The following NOL4 variants were observed in gnomAD, a reference collection of about 807,000 sequenced individuals.
The protein encoded by NOL4 is cancer/testis antigen 125.
A neutral mutation model predicts 75.9 loss-of-function variants in NOL4; 17 were observed. That is an observed-to-expected ratio of 0.22 (90% CI 0.15 to 0.34). The LOEUF (loss-of-function observed/expected upper bound fraction) is 0.34, where lower values mean the gene tolerates loss of function less well. Among genes scored for constraint, NOL4 ranks in the 10% least tolerant of loss-of-function variants. The probability of loss-of-function intolerance (pLI) is 1.00; values close to 1 mark genes in which losing one functional copy is unlikely to be tolerated. For synonymous variants in NOL4, 292 were observed against 289.9 expected, an observed-to-expected ratio of 1.01 and a Z score of -0.07; for missense variants, 614 against 793.5, an observed-to-expected ratio of 0.77 and a Z score of 2.72.
At chr18:34,218,444 C>T (rs772749111) in intron 1 of NOL4, among the ~76,000 whole-genome samples, 7 of 152,174 alleles carry the variant, frequency 4.6e-5, no homozygotes, top group East Asian at 1.9e-4. Context: ...TCTTCATACA[C>T]GAACAGGGTC....
At chr18:33,917,229 T>C (rs1040819799) in intron 9 of NOL4, among the ~76,000 whole-genome samples, 6 of 132,252 alleles carry the variant, frequency 4.5e-5, no homozygotes, top group Admixed American at 4.5e-4. Flanking sequence ...TGTAGATCTG[T>C]GAACTGTGGG....
chr18:34,167,044 C>CAAAAAAAAAA (rs1174730527), intron 1 of NOL4, among the ~76,000 whole-genome samples: 1 of 5,668 alleles, frequency 1.8e-4, no homozygotes, highest in African/African-American at 6.9e-4. Context: ...GACTCCGTCT[C>CAAAAAAAAAA]AAAAAAAAAA....
chr18:34,197,711 G>A (rs1032783052), intron 1 of NOL4, among the ~76,000 whole-genome samples: 2 of 150,668 alleles, frequency 1.3e-5, no homozygotes, highest in South Asian at 2.1e-4. Flanking sequence ...AGAGGGTGGT[G>A]GAAGGTGGTT....
At chr18:34,215,195 A>T (rs1182052502) in intron 1 of NOL4, among the ~76,000 whole-genome samples, 1 of 152,140 alleles carries the variant, frequency 6.6e-6, no homozygotes. Context: ...ACATAGTTGG[A>T]TGGATGGACA....
chr18:34,104,464 T>G (rs544953687), intron 3 of NOL4, among the ~76,000 whole-genome samples: 2 of 152,164 alleles, frequency 1.3e-5, no homozygotes, highest in Non-Finnish European at 2.9e-5. Context: ...TTTGCTTTAC[T>G]TTCTATATGT....
At chr18:34,025,828 C>A (rs1010344425) in intron 5 of NOL4, among the ~76,000 whole-genome samples, 1 of 152,006 alleles carries the variant, frequency 6.6e-6, no homozygotes, top group South Asian at 2.1e-4. Flanking sequence ...TCATACTAGA[C>A]CTGTTAAGTA....
rs571131878 is a variant in NOL4, at chr18:34,059,108, G to C, written c.772+34357C>G. ...TAAAAATCACACATATATATAGAGA[G>C]ATAGATAGATATACATATATATATA... On this transcript the variant is annotated intron_variant, in intron 5 of 10. Transcript: ENST00000261592. Among the ~76,000 whole-genome samples the C allele has an allele frequency of 3.9e-3, 460 of 117,790 alleles. 6 individuals carry two copies. The highest frequency in any genetic ancestry group is 0.013 in the African/African-American group (444 of 33,198). 77.3% of individuals were successfully genotyped at this position (117,790 alleles called of 152,430 possible).
intron 5 of NOL4, among the ~76,000 whole-genome samples, chr18:34,063,370 T>C (rs1301368682): frequency 1.3e-5 from 2 of 152,084 alleles, no homozygotes; most frequent in Non-Finnish European, 2.9e-5. Flanking sequence ...TTTTCAGTCC[T>C]TATCATCCCA....
At chr18:34,183,551 C>A (rs1278172853) in intron 1 of NOL4, 3 of 151,944 alleles carry the variant, frequency 2.0e-5, no homozygotes, top group African/African-American at 7.2e-5. Flanking sequence ...ATTGTAGCAG[C>A]TCTATTCATA....
intron 2 of NOL4, among the ~76,000 whole-genome samples, chr18:34,108,903 C>T (rs771250791): frequency 2.0e-5 from 3 of 152,084 alleles, no homozygotes; most frequent in Admixed American, 1.3e-4. Context: ...ATACTACTCA[C>T]GTGAACAGGG....
chr18:33,944,569 C>T (rs2068715214), intron 8 of NOL4, among the ~76,000 whole-genome samples: 1 of 151,844 alleles, frequency 6.6e-6, no homozygotes, highest in South Asian at 2.1e-4. Context: ...CTTCTGCTAA[C>T]CCCATGGGAC....
chr18:33,965,694 G>A (rs2070525602), intron 6 of NOL4, among the ~76,000 whole-genome samples: 1 of 152,102 alleles, frequency 6.6e-6, no homozygotes, highest in Non-Finnish European at 1.5e-5. Context: ...TCTCCTTACT[G>A]CTGCCATGTG....
chr18:33,901,298 G>A (rs2065736385), intron 9 of NOL4, among the ~76,000 whole-genome samples: 1 of 152,050 alleles, frequency 6.6e-6, no homozygotes, highest in Non-Finnish European at 1.5e-5. Context: ...TGAATCATCT[G>A]AGTTATTGGC....
chr18:34,060,521 T>G (rs991967089), intron 5 of NOL4, among the ~76,000 whole-genome samples: 5 of 152,192 alleles, frequency 3.3e-5, no homozygotes, highest in Non-Finnish European at 7.3e-5. Flanking sequence ...GTGGTGTTTA[T>G]TTTCTGTCTT....
At chr18:34,083,166 G>A (rs769802662) in intron 5 of NOL4, among the ~76,000 whole-genome samples, 1 of 152,120 alleles carries the variant, frequency 6.6e-6, no homozygotes, top group Non-Finnish European at 1.5e-5. Flanking sequence ...AGGGATAAGG[G>A]TTCTTATGAA....
chr18:34,074,249 T>G lies in NOL4; in HGVS notation c.772+19216A>C, dbSNP rs74469111. ...TATTACATATTAATATCTGAGATTG[T>G]AAATTATTTATATGCATTATTTCAT... On this transcript the variant is annotated intron_variant, in intron 5 of 10. Coordinates refer to ENST00000261592, the MANE Select transcript of NOL4 (RefSeq NM_003787.5). Among the ~76,000 whole-genome samples the G allele has an allele frequency of 7.3e-3, 1,107 of 151,842 alleles. 17 individuals carry two copies. The highest frequency in any genetic ancestry group is 0.025 in the African/African-American group (1,045 of 41,560).
chr18:33,921,893 T>C (rs1189261301), intron 9 of NOL4, among the ~76,000 whole-genome samples: 2 of 152,162 alleles, frequency 1.3e-5, no homozygotes, highest in African/African-American at 4.8e-5. Context: ...CCTCCTACCC[T>C]ACTCTTGTTT....
At chr18:34,108,089 C>T (rs567935192) in intron 2 of NOL4, among the ~76,000 whole-genome samples, 2 of 152,158 alleles carry the variant, frequency 1.3e-5, no homozygotes, top group East Asian at 3.9e-4. Flanking sequence ...CCATTACACT[C>T]GAGGCACCAA....
At chr18:34,148,463 C>T (rs1325988002) in intron 1 of NOL4, among the ~76,000 whole-genome samples, 1 of 151,994 alleles carries the variant, frequency 6.6e-6, no homozygotes, top group African/African-American at 2.4e-5. Context: ...GCCTTAATTT[C>T]GTTATTTACC....
Sources: gnomAD v4.1 joint callset for allele counts (sites outside exome capture counted in the v4.1 genomes callset) on GRCh38, gnomAD v4.1.1 for gene constraint, MANE v1.5 for transcripts, NCBI Gene and HGNC (gene_info 2026-07-23, HGNC 2026-07-21) for gene names.